Variants in TXNDC5 observed in about 807,000 individuals in gnomAD.
TXNDC5 encodes thioredoxin domain-containing protein 5.
In TXNDC5, 44 loss-of-function variants were observed where a neutral mutation model predicts 52.6. The ratio of observed to expected loss-of-function variants is 0.84; its 90% CI spans 0.66 to 1.08. The LOEUF (loss-of-function observed/expected upper bound fraction) is 1.08, where lower values mean the gene tolerates loss of function less well. Ranked by LOEUF, TXNDC5 falls within the 50% of genes least tolerant of loss-of-function variation. TXNDC5 has a pLI of 0.00. For missense variants in TXNDC5, 600 were observed against 565.5 expected (o/e 1.06, Z -0.62); for synonymous variants, 241 against 234.4 (o/e 1.03, Z -0.26).
chr6:7,890,574 G>T (rs140540398), intron 5 of TXNDC5, among the ~76,000 whole-genome samples: 2 of 152,132 alleles, frequency 1.3e-5, no homozygotes, highest in Non-Finnish European at 2.9e-5. Flanking sequence ...AGGATACAAG[G>T]AATGGGGTAA....
At chr6:7,909,705 T>C in intron 1 of TXNDC5, 2 of 923,894 alleles carry the variant, frequency 2.2e-6, no homozygotes, top group Non-Finnish European at 2.6e-6. Flanking sequence ...GGCGGAGGGG[T>C]TCCAGAATTC....
intron 4 of TXNDC5, among the ~76,000 whole-genome samples, chr6:7,893,053 T>C (rs1208973907): frequency 6.6e-6 from 1 of 152,054 alleles, no homozygotes; most frequent in Non-Finnish European, 1.5e-5. Context: ...TATTTTATCA[T>C]AAAAAAAAGT....
rs1759764161 is a variant in TXNDC5, at chr6:7,882,043, G to C, written c.*1101C>G. On this transcript the variant is annotated 3_prime_UTR_variant, in exon 10 of 10. Coordinates refer to ENST00000379757, the MANE Select transcript of TXNDC5 (RefSeq NM_030810.5). ...ACAGCTGCCACAGCCGTGCACACCA[G>C]GGCCAGAGCAGCCCACTGACATCTG... is the stretch of plus-strand genomic sequence containing the variant. 6.6e-6 allele frequency: 1 copy of C among 152,666 alleles called. No individual in the cohort carries two copies. The highest frequency in any genetic ancestry group is 6.5e-5 in the Admixed American group (1 of 15,278). 9.5% of individuals were successfully genotyped at this position (152,666 alleles called of 1,614,324 possible).
In TXNDC5 at chr6:7,883,442, G is replaced by A. The variant is rs148638202; in HGVS notation, c.1177-176C>T. Among the ~76,000 whole-genome samples, 385 of 152,294 alleles carry A rather than the reference G, an allele frequency of 2.5e-3. 6 individuals are homozygous for A. Among genetic ancestry groups the A allele is most frequent in the East Asian group, 0.014 (75 of 5,182 alleles). ...AGACTACTGTTTAGAAAGCACAGCC[G>A]TGGGGCTGTGTGTTCACTTCTGAAT... is the stretch of plus-strand genomic sequence containing the variant. On this transcript the variant is annotated intron_variant, in intron 9 of 9. Coordinates refer to ENST00000379757, the MANE Select transcript of TXNDC5 (RefSeq NM_030810.5).
chr6:7,889,915 G>C (rs1760132662), intron 5 of TXNDC5, among the ~76,000 whole-genome samples: 1 of 152,196 alleles, frequency 6.6e-6, no homozygotes, highest in South Asian at 2.1e-4. Context: ...TTGACATTTG[G>C]TGGTGGTGGG....
intron 2 of TXNDC5, among the ~76,000 whole-genome samples, chr6:7,900,618 T>G (rs1284463834): frequency 6.6e-6 from 1 of 152,126 alleles, no homozygotes; most frequent in African/African-American, 2.4e-5. Flanking sequence ...AGTGTCTTAG[T>G]TCAACGGCTG....
chr6:7,905,852 TATGAAC>T (rs762161258), intron 1 of TXNDC5, among the ~76,000 whole-genome samples: 1 of 152,244 alleles, frequency 6.6e-6, no homozygotes, highest in Admixed American at 6.5e-5. Flanking sequence ...CACTTGCTTA[TATGAAC>T]ACTCAACGCT....
At chr6:7,886,323 G>A (rs1759981717) in intron 7 of TXNDC5, among the ~76,000 whole-genome samples, 1 of 152,156 alleles carries the variant, frequency 6.6e-6, no homozygotes, top group Admixed American at 6.5e-5. Context: ...GATGAAGGTG[G>A]GGAGGGGGAC....
At chr6:7,901,751 T>G (rs1436171026) in intron 2 of TXNDC5, among the ~76,000 whole-genome samples, 1 of 152,206 alleles carries the variant, frequency 6.6e-6, no homozygotes, top group Non-Finnish European at 1.5e-5. Flanking sequence ...ACATGGGCAT[T>G]TGAGTCTCCT....
chr6:7,909,704 G>T, intron 1 of TXNDC5: 1 of 918,646 alleles, frequency 1.1e-6, no homozygotes, highest in Non-Finnish European at 1.3e-6. Flanking sequence ...GGGCGGAGGG[G>T]TTCCAGAATT....
In TXNDC5 at chr6:7,885,974, A is replaced by G. The variant is rs533994534; in HGVS notation, c.1033T>C (p.Phe345Leu). The G allele has an allele frequency of 6.2e-7, 1 of 1,614,096 alleles. No individual in the cohort carries two copies. The highest frequency in any genetic ancestry group is 1.3e-5 in the African/African-American group (1 of 75,022). The change falls in exon 8 of 10, where the codon TTT (phenylalanine) becomes CTT (leucine). Residue 345 changes from phenylalanine (F) to leucine (L), a missense_variant. Physicochemically the swap from Phe to Leu is conservative, Grantham distance 22. Transcript: ENST00000379757. ...TIAEGITFIK[F>L]YAPWCGHCKT... Reference sequence around the variant, plus strand: ...ACAGCCACTTACCATGGAGCATAAAACTTGATGAAGGTTATTCCTTCTGCA... The same window carrying G: ...ACAGCCACTTACCATGGAGCATAAAGCTTGATGAAGGTTATTCCTTCTGCA...
chr6:7,884,570 T>C (rs1000867747), intron 8 of TXNDC5, 82 bp from the exon 9 acceptor site: 1 of 1,594,596 alleles, frequency 6.3e-7, no homozygotes, highest in Non-Finnish European at 8.6e-7. Context: ...ACAAGCTCTG[T>C]TTCTTCTGTA....
chr6:7,886,094 A>C, intron 7 of TXNDC5, 51 bp from the exon 8 acceptor site: 1 of 1,537,336 alleles, frequency 6.5e-7, no homozygotes, highest in Non-Finnish European at 8.9e-7. Flanking sequence ...AAAGTTGAGC[A>C]GGGCCATGCT....
intron 8 of TXNDC5, among the ~76,000 whole-genome samples, chr6:7,884,775 CTG>C (rs1759902300): frequency 6.6e-6 from 1 of 152,222 alleles, no homozygotes. Context: ...CCATGGTGAA[CTG>C]TGCTAACTGG....
In TXNDC5 at chr6:7,899,565, T is replaced by C. The variant is rs746888926; in HGVS notation, c.519+11A>G. On this transcript the variant is annotated intron_variant, in intron 3 of 9. Coordinates refer to ENST00000379757, the MANE Select transcript of TXNDC5 (RefSeq NM_030810.5). ...GGAGGGAGGGAGGGAGGGAAGGAGG[T>C]AGACACTCACCACTGGCTCCTCGTT... 2.6e-6 allele frequency: 4 copies of C among 1,526,686 alleles called. No homozygotes were observed. The highest frequency in any genetic ancestry group is 1.6e-5 in the African/African-American group (1 of 61,824). 94.6% of individuals were successfully genotyped at this position (1,526,686 alleles called of 1,614,324 possible).
chr6:7,909,298 C>T (rs2113377326), intron 1 of TXNDC5, among the ~76,000 whole-genome samples: 1 of 152,324 alleles, frequency 6.6e-6, no homozygotes, highest in South Asian at 2.1e-4. Context: ...GGAAGAATAC[C>T]AAGTTCTGCA....
intron 2 of TXNDC5, among the ~76,000 whole-genome samples, chr6:7,902,974 C>T (rs1462053891): frequency 6.6e-6 from 1 of 152,174 alleles, no homozygotes; most frequent in Non-Finnish European, 1.5e-5. Context: ...CCTTCACTTC[C>T]TTCTCTGAAG....
chr6:7,906,583 G>GA (rs1265303918), intron 1 of TXNDC5, among the ~76,000 whole-genome samples: 2 of 139,486 alleles, frequency 1.4e-5, no homozygotes, highest in Admixed American at 7.4e-5. Context: ...AGGTAGCACT[G>GA]AAAAAGTCTG....
intron 1 of TXNDC5, among the ~76,000 whole-genome samples, chr6:7,906,557 A>AAAAAAAC (rs1561816188): frequency 2.2e-4 from 29 of 133,516 alleles, no homozygotes; most frequent in African/African-American, 1.0e-3. Context: ...AAAAAAAAAA[A>AAAAAAAC]GAAAAACAGA....
Sources: allele counts gnomAD v4.1 joint callset (sites outside exome capture counted in the v4.1 genomes callset), GRCh38; gene constraint gnomAD v4.1.1; transcripts MANE v1.5; gene names NCBI Gene and HGNC (gene_info 2026-07-23, HGNC 2026-07-21).